Variants in ZNF75A observed in about 807,000 individuals in gnomAD.
The protein encoded by ZNF75A is zinc finger protein 75A.
A neutral mutation model predicts 46.3 loss-of-function variants in ZNF75A; 36 were observed. That is an observed-to-expected ratio of 0.78 (90% CI 0.60 to 1.03). ZNF75A has a LOEUF of 1.03. ZNF75A is among the 50% of genes least tolerant of loss of function. ZNF75A has a pLI of 0.00. For synonymous variants in ZNF75A, 234 were observed against 189.9 expected (o/e 1.23, Z -1.91); for missense variants, 595 against 551.3 (o/e 1.08, Z -0.79).
At chr16:3,308,891 T>C in intron 2 of ZNF75A, 55 bp downstream of exon 2, 4 of 966,944 alleles carry the variant, frequency 4.1e-6, no homozygotes, top group Non-Finnish European at 4.9e-6. Flanking sequence ...GTGGATATAG[T>C]AGAGATGGTG....
At chr16:3,319,327 C>T (rs1186842471), downstream of ZNF75A, among the ~76,000 whole-genome samples, 1 of 152,122 alleles carries the variant, frequency 6.6e-6, no homozygotes, top group Non-Finnish European at 1.5e-5. Flanking sequence ...GTTGAGCAGG[C>T]TGGTCTCGAA....
At chr16:3,313,577 A>G (rs988525967) in intron 5 of ZNF75A, among the ~76,000 whole-genome samples, 1 of 152,190 alleles carries the variant, frequency 6.6e-6, no homozygotes, top group Admixed American at 6.5e-5. Flanking sequence ...TGACTGCAAC[A>G]ATGTCTCATC....
Position 3,308,506 on chromosome 16 carries a change from A to AAG in ZNF75A, c.85_86dup (p.Ser29ArgfsTer50). ...CTTTGTGGGAGACCAAGGGGCCTGC[A>AAG]AGAGAGAGCTCCGGTCAGAGTAAAA... On this transcript the variant is annotated frameshift_variant, in exon 2 of 7. Coordinates refer to ENST00000669516, the MANE Select transcript of ZNF75A (RefSeq NM_001302109.2). LOFTEE classifies it high-confidence loss of function. 1 of 985,876 alleles carries AAG rather than the reference A, an allele frequency of 1.0e-6. No homozygotes were observed. The allele number at this position is 985,876 out of a possible 1,614,324, so 61.1% of individuals were successfully genotyped here. A position where few individuals can be genotyped will look rare whatever the true frequency, so the allele number is the denominator to read the frequency against.
intron 5 of ZNF75A, chr16:3,314,871 AG>A: frequency 1.0e-6 from 1 of 985,408 alleles, no homozygotes; most frequent in Non-Finnish European, 1.2e-6. Flanking sequence ...TCATTTGTCT[AG>A]GTAAAGATTC....
Position 3,313,080 on chromosome 16 carries a change from A to G in ZNF75A, c.728A>G (p.Tyr243Cys), listed in dbSNP as rs1330341922. 20 of 1,613,646 alleles carry G rather than the reference A, an allele frequency of 1.2e-5. No homozygotes were observed. Among genetic ancestry groups the G allele is most frequent in the Admixed American group, 1.7e-5 (1 of 59,902 alleles). Residue 243 changes from tyrosine (Y) to cysteine (C), a missense_variant, in exon 5 of 7, where the codon TAT becomes TGT. Tyr to Cys is a radical substitution (Grantham distance 194). Coordinates refer to ENST00000669516, the MANE Select transcript of ZNF75A (RefSeq NM_001302109.2). ...TTGACATTTGAAGAAGTGGCCATGT[A>G]TTTTTCCCAGGAAGAATGGGAGTTA... ...SLLTFEEVAM[Y>C]FSQEEWELLD...
chr16:3,320,268 TCTC>T (rs1467343953), downstream of ZNF75A, among the ~76,000 whole-genome samples: 8 of 152,092 alleles, frequency 5.3e-5, no homozygotes, highest in Admixed American at 5.2e-4. Context: ...ATGGTCTTGG[TCTC>T]CTGACCTCGT....
rs938493838 is a variant in ZNF75A at position 3,315,091 on chromosome 16, C to G, written c.824-1821C>G. The stretch of plus-strand genomic sequence containing the variant: ...CTACGTGGAGATCTTGATCCCTTCC[C>G]TTTCCCTTTCCCCAAACCTTCTCCA... On this transcript the variant is annotated intron_variant, in intron 5 of 6. Coordinates refer to ENST00000669516, the MANE Select transcript of ZNF75A (RefSeq NM_001302109.2). 6.5e-5 allele frequency: 64 copies of G among 984,938 alleles called. No individual in the cohort carries two copies. In the African/African-American group the frequency reaches 1.1e-3, roughly 17 times the overall value. 61.0% of individuals were successfully genotyped at this position (984,938 alleles called of 1,614,324 possible).
intron 3 of ZNF75A, 68 bp downstream of exon 3, chr16:3,312,016 A>G: frequency 1.1e-6 from 1 of 887,568 alleles, no homozygotes; most frequent in African/African-American, 1.8e-5. Context: ...CCAAAATGTC[A>G]TGGGCATTTT....
At chr16:3,319,264 C>T (rs1596404237), downstream of ZNF75A, among the ~76,000 whole-genome samples, 3 of 152,120 alleles carry the variant, frequency 2.0e-5, no homozygotes, top group South Asian at 6.2e-4. Context: ...CAGGCACCCA[C>T]CACCACGCCT....
rs1567273251 is a variant in ZNF75A at position 3,317,341 on chromosome 16, A to C, written c.1086A>C (p.Arg362Ser). ...AAGAAAATCATTTTGATATGCACAG[A>C]GTGGGAAAATGGCACCAAGATTTTC... ...AGKENHFDMH[R>S]VGKWHQDFPV... is the part of the protein sequence containing the mutation. The change falls in exon 7 of 7, where the codon AGA (arginine) becomes AGC (serine). Residue 362 changes from arginine to serine, a missense_variant. Arg to Ser is a moderately radical substitution (Grantham distance 110). Transcript: ENST00000669516. 7 of 1,614,182 alleles carry C rather than the reference A, an allele frequency of 4.3e-6. No individual in the cohort carries two copies. The highest frequency in any genetic ancestry group is 5.1e-6 in the Non-Finnish European group (6 of 1,180,024).
intron 2 of ZNF75A, 138 bp from the exon 3 acceptor site, chr16:3,311,615 A>G (rs562392717): frequency 9.3e-6 from 2 of 214,394 alleles, no homozygotes; most frequent in East Asian, 1.8e-4. Context: ...GTGGCCCAGT[A>G]TCTCTTTAAG....
chr16:3,309,316 C>T (rs1268904817), intron 2 of ZNF75A: 1 of 151,694 alleles, frequency 6.6e-6, no homozygotes, highest in East Asian at 1.9e-4. Flanking sequence ...ATTAGCTGGG[C>T]ATGATGACCG....
chr16:3,318,893 G>C, downstream of ZNF75A: 12 of 942,420 alleles, frequency 1.3e-5, no homozygotes, highest in Non-Finnish European at 1.5e-5. Flanking sequence ...CATCCATGTT[G>C]TTCTGTCCTG....
At chr16:3,320,990 G>C (rs1325124411), downstream of ZNF75A, among the ~76,000 whole-genome samples, 1 of 152,194 alleles carries the variant, frequency 6.6e-6, no homozygotes, top group African/African-American at 2.4e-5. Context: ...AGCTTAGCCA[G>C]TACCCAGCTG....
chr16:3,317,479 G>A lies in ZNF75A; in HGVS notation c.1224G>A (p.Gly408=), dbSNP rs568112598. 8 of 1,613,974 alleles carry A rather than the reference G, an allele frequency of 5.0e-6. No homozygotes were observed. In the South Asian group the frequency reaches 6.6e-5, roughly 13 times the overall value. Residue 408 remains glycine, a synonymous_variant, in exon 7 of 7, where the codon GGG becomes GGA. Transcript: ENST00000669516. ...REKPFKCQEC[G]KTFRVSSDLI... is the part of the protein sequence containing the mutation. ...AGCCTTTTAAATGTCAGGAATGTGG[G>A]AAAACCTTCAGAGTTAGCTCTGACC...
chr16:3,316,091 G>A (rs756204994), intron 5 of ZNF75A: 10 of 152,186 alleles, frequency 6.6e-5, no homozygotes, highest in Non-Finnish European at 1.3e-4. Context: ...CTTTACAGGA[G>A]CAGAATCTTA....
chr16:3,320,360 A>G (rs1183553882), downstream of ZNF75A, among the ~76,000 whole-genome samples: 1 of 152,166 alleles, frequency 6.6e-6, no homozygotes, highest in Non-Finnish European at 1.5e-5. Context: ...GCCTATCTTA[A>G]TAGAGCTTGG....
chr16:3,309,031 C>A (rs1384410883), intron 2 of ZNF75A, 195 bp downstream of exon 2: 1 of 175,094 alleles, frequency 5.7e-6, no homozygotes, highest in Non-Finnish European at 1.1e-5. Flanking sequence ...GTGGTAGATA[C>A]TTCCCTGGCC....
rs1961315680 is a variant in ZNF75A, at chr16:3,317,568, G to A, written c.1313G>A (p.Arg438Lys). 13 of 1,614,094 alleles carry A rather than the reference G, an allele frequency of 8.1e-6. No homozygotes were observed. Among genetic ancestry groups the A allele is most frequent in the Non-Finnish European group, 1.0e-5 (12 of 1,179,998 alleles). ...TATAAATGTCAACAGTGTGATAAGA[G>A]GTTTAGATGGAGTTCAGATCTTAAT... is the stretch of plus-strand genomic sequence containing the variant. ...KPYKCQQCDK[R>K]FRWSSDLNKH... The change falls in exon 7 of 7, where the codon AGG (arginine) becomes AAG (lysine). Residue 438 changes from arginine to lysine, a missense_variant. Coordinates refer to ENST00000669516, the MANE Select transcript of ZNF75A (RefSeq NM_001302109.2).
Sources: allele counts gnomAD v4.1 joint callset (sites outside exome capture counted in the v4.1 genomes callset), GRCh38; gene constraint gnomAD v4.1.1; transcripts MANE v1.5; gene names NCBI Gene and HGNC (gene_info 2026-07-23, HGNC 2026-07-21).